The following FMNL2 variants were observed in gnomAD, a reference collection of about 807,000 sequenced individuals.
The protein encoded by FMNL2 is formin-like protein 2.
FMNL2 carries 51 observed loss-of-function variants against 130.2 expected under a neutral mutation model. That is an observed-to-expected ratio of 0.39 (90% CI 0.31 to 0.49). FMNL2 has a LOEUF of 0.49. Among genes scored for constraint, FMNL2 ranks in the 20% least tolerant of loss-of-function variants. The probability of loss-of-function intolerance (pLI) is 0.85; values close to 1 mark genes in which losing one functional copy is unlikely to be tolerated. For synonymous variants in FMNL2, 465 were observed against 467.1 expected, an observed-to-expected ratio of 1.00 and a Z score of 0.06; for missense variants, 977 against 1,316.2, an observed-to-expected ratio of 0.74 and a Z score of 3.99.
rs193269852 is a variant in FMNL2, at chr2:152,635,841, G to T, written c.2681-586G>T. ...TAATCAATACAACCTATGGTCAACCGACAAAAGGCTGCCCCCTGCTGGAGA... is the reference window on the plus strand; with the variant it reads ...TAATCAATACAACCTATGGTCAACCTACAAAAGGCTGCCCCCTGCTGGAGA... On this transcript the variant is annotated intron_variant, in intron 21 of 25. Transcript: ENST00000288670. Among the ~76,000 whole-genome samples, 217 of 152,308 alleles carry T rather than the reference G, an allele frequency of 1.4e-3. 1 individual carries two copies. Among genetic ancestry groups the T allele is most frequent in the African/African-American group, 4.8e-3 (198 of 41,556 alleles).
intron 1 of FMNL2, among the ~76,000 whole-genome samples, chr2:152,373,617 TC>T (rs1197730735): frequency 6.6e-6 from 1 of 152,220 alleles, no homozygotes; most frequent in Admixed American, 6.5e-5. Context: ...TATCTATAAT[TC>T]CTAACGCAAT....
intron 1 of FMNL2, among the ~76,000 whole-genome samples, chr2:152,460,879 A>G (rs1689197786): frequency 6.6e-6 from 1 of 152,172 alleles, no homozygotes; most frequent in Non-Finnish European, 1.5e-5. Context: ...TCTACATTAT[A>G]GTGAATTGTA....
Position 152,649,377 on chromosome 2 carries a change from GTTTTT to G in FMNL2, c.*1476_*1480del, listed in dbSNP as rs570392772. 1.3e-5 allele frequency: 2 copies of G among 152,036 alleles called. No homozygotes were observed. The highest frequency in any genetic ancestry group is 2.9e-5 in the Non-Finnish European group (2 of 67,922). 9.4% of individuals were successfully genotyped at this position (152,036 alleles called of 1,614,324 possible). ...AATCTGAATGTTATTTTAACTTATA[GTTTTT>G]TTTAATATATATATTTAACTATAAG... On this transcript the variant is annotated 3_prime_UTR_variant, in exon 26 of 26. Transcript: ENST00000288670.
chr2:152,468,877 T>C (rs1327015969), intron 1 of FMNL2, among the ~76,000 whole-genome samples: 1 of 152,174 alleles, frequency 6.6e-6, no homozygotes, highest in Non-Finnish European at 1.5e-5. Context: ...ACTCATTCAA[T>C]GGGGAGAGAT....
intron 5 of FMNL2, among the ~76,000 whole-genome samples, chr2:152,559,465 G>A (rs146146021): frequency 2.6e-5 from 4 of 152,180 alleles, no homozygotes; most frequent in South Asian, 2.1e-4. Context: ...CACCATGCCC[G>A]GCTAATTTTT....
intron 1 of FMNL2, among the ~76,000 whole-genome samples, chr2:152,432,281 C>G (rs949946506): frequency 2.6e-5 from 4 of 151,940 alleles, no homozygotes; most frequent in Non-Finnish European, 5.9e-5. Flanking sequence ...CTGGCATTGC[C>G]TGTGTGGATT....
At chr2:152,375,205 T>A (rs1684087316) in intron 1 of FMNL2, among the ~76,000 whole-genome samples, 1 of 152,234 alleles carries the variant, frequency 6.6e-6, no homozygotes, top group Admixed American at 6.5e-5. Flanking sequence ...CTGTAAGAGT[T>A]TGCAGTTACA....
chr2:152,349,067 C>T (rs1682312698), intron 1 of FMNL2, among the ~76,000 whole-genome samples: 1 of 125,554 alleles, frequency 8.0e-6, no homozygotes, highest in South Asian at 2.5e-4. Flanking sequence ...GATCTCCTGA[C>T]CTCATGATCC....
chr2:152,629,688 T>A lies in FMNL2; in HGVS notation c.2433T>A (p.Ser811=), dbSNP rs1170736977. ...ATGCGATTATAGCAGCATCTGTCTCTATAAAGTCGTCCCAAAAACTCAAGA... is the reference window on the plus strand; with the variant it reads ...ATGCGATTATAGCAGCATCTGTCTCAATAAAGTCGTCCCAAAAACTCAAGA... The part of the protein sequence containing the change: ...QLHAIIAASV[S]IKSSQKLKKI... The change falls in exon 19 of 26, where the codon TCT becomes TCA. Residue 811 remains serine, a synonymous_variant. Coordinates refer to ENST00000288670, the MANE Select transcript of FMNL2 (RefSeq NM_052905.4). The A allele has an allele frequency of 6.2e-7, 1 of 1,603,262 alleles. No individual in the cohort carries two copies. Among genetic ancestry groups the A allele is most frequent in the Non-Finnish European group, 8.5e-7 (1 of 1,174,262 alleles).
At chr2:152,342,570 G>A (rs976917557) in intron 1 of FMNL2, among the ~76,000 whole-genome samples, 7 of 152,158 alleles carry the variant, frequency 4.6e-5, no homozygotes, top group Non-Finnish European at 7.3e-5. Flanking sequence ...TTGAACACTG[G>A]GGACAGAGAT....
chr2:152,404,285 A>G (rs1685866163), intron 1 of FMNL2, among the ~76,000 whole-genome samples: 1 of 152,192 alleles, frequency 6.6e-6, no homozygotes, highest in Non-Finnish European at 1.5e-5. Context: ...GTATCAATGG[A>G]CAAGCTTTTC....
rs1246330350 is a variant in FMNL2, at chr2:152,617,212, C to T, written c.1314+20C>T. 1.2e-6 allele frequency: 2 copies of T among 1,609,452 alleles called. No individual in the cohort carries two copies. Among genetic ancestry groups the T allele is most frequent in the Non-Finnish European group, 1.7e-6 (2 of 1,176,068 alleles). The stretch of plus-strand genomic sequence containing the variant: ...GTTCGGGTAAGTGTAATGATGACAA[C>T]TGCCCAGATGGGCACGGTAGGGAAT... On this transcript the variant is annotated intron_variant, in intron 13 of 25. Coordinates refer to ENST00000288670, the MANE Select transcript of FMNL2 (RefSeq NM_052905.4).
At chr2:152,356,989 A>C (rs955714012) in intron 1 of FMNL2, among the ~76,000 whole-genome samples, 5 of 149,004 alleles carry the variant, frequency 3.4e-5, no homozygotes, top group Non-Finnish European at 7.4e-5. Context: ...TTAATATATA[A>C]CGATAAATAT....
At chr2:152,535,437 G>A (rs1022785481) in intron 2 of FMNL2, among the ~76,000 whole-genome samples, 3 of 152,176 alleles carry the variant, frequency 2.0e-5, no homozygotes, top group South Asian at 2.1e-4. Flanking sequence ...ACTTTGAGAG[G>A]ATCACATATG....
chr2:152,646,595 G>T (rs562729309), intron 25 of FMNL2, among the ~76,000 whole-genome samples: 56 of 143,432 alleles, frequency 3.9e-4, no homozygotes, highest in Admixed American at 9.7e-4. Context: ...GGGGTGGGGG[G>T]GCACAGTGGA....
chr2:152,376,468 A>G (rs556398557), intron 1 of FMNL2, among the ~76,000 whole-genome samples: 4 of 152,316 alleles, frequency 2.6e-5, no homozygotes, highest in African/African-American at 9.6e-5. Context: ...AGTCAGAAAT[A>G]TCCTCCCTGG....
chr2:152,528,815 G>A (rs1337699911), intron 2 of FMNL2, among the ~76,000 whole-genome samples: 2 of 152,118 alleles, frequency 1.3e-5, no homozygotes, highest in East Asian at 3.9e-4. Flanking sequence ...GCCATTGGGG[G>A]TCAAATTCTA....
intron 9 of FMNL2, among the ~76,000 whole-genome samples, chr2:152,603,611 A>G (rs1698207515): frequency 6.6e-6 from 1 of 150,672 alleles, no homozygotes; most frequent in South Asian, 2.2e-4. Context: ...TGCTTGTTCT[A>G]TATTTGATGC....
Position 152,648,444 on chromosome 2 carries a change from G to C in FMNL2, c.*539G>C, listed in dbSNP as rs774425480. 8.4e-5 allele frequency: 13 copies of C among 153,948 alleles called. No individual in the cohort carries two copies. The highest frequency in any genetic ancestry group is 2.6e-4 in the African/African-American group (11 of 41,554). The allele number at this position is 153,948 out of a possible 1,614,324, so 9.5% of individuals were successfully genotyped here. ...CAGGATGCAACTGCAGTGGCACAAA[G>C]GTCACTCAATCCTTTGTTTCCAGTT... On this transcript the variant is annotated 3_prime_UTR_variant, in exon 26 of 26. Coordinates refer to ENST00000288670, the MANE Select transcript of FMNL2 (RefSeq NM_052905.4).
Sources: allele counts gnomAD v4.1 joint callset (sites outside exome capture counted in the v4.1 genomes callset), GRCh38; gene constraint gnomAD v4.1.1; transcripts MANE v1.5; gene names NCBI Gene and HGNC (gene_info 2026-07-23, HGNC 2026-07-21).